Variants in KCNG3 observed in about 807,000 individuals in gnomAD.
KCNG3 encodes the protein potassium voltage-gated channel modifier subfamily G member 3.
KCNG3 carries 15 observed loss-of-function variants against 29.0 expected under a neutral mutation model. The observed-to-expected ratio is 0.52, with a 90% CI of 0.35 to 0.80. The LOEUF (loss-of-function observed/expected upper bound fraction) is 0.80, where lower values mean the gene tolerates loss of function less well. KCNG3 is among the 30% of genes least tolerant of loss of function. The pLI is 0.01. For synonymous variants in KCNG3, 322 were observed against 248.9 expected (o/e 1.29, Z -2.76); for missense variants, 512 against 605.7 (o/e 0.85, Z 1.62).
At chr2:42,427,694 GACAT>G in the KCNG3 span, among the ~76,000 whole-genome samples, 19 of 151,980 alleles carry the variant, frequency 1.3e-4, no homozygotes, top group African/African-American at 4.6e-4. Context: ...GTGCAAAACA[GACAT>G]ACATTTATCT....
the KCNG3 span, among the ~76,000 whole-genome samples, chr2:42,430,314 G>C: frequency 6.6e-6 from 1 of 151,778 alleles, no homozygotes. Context: ...ACTACAGTCA[G>C]CTGTGATTGT....
At chr2:42,414,384 TTTCA>T in the KCNG3 span, among the ~76,000 whole-genome samples, 1 of 152,220 alleles carries the variant, frequency 6.6e-6, no homozygotes, top group Non-Finnish European at 1.5e-5. Flanking sequence ...GAAGTTGTTA[TTTCA>T]TTGTTTTTTT....
chr2:42,428,690 T>C, the KCNG3 span, among the ~76,000 whole-genome samples: 1 of 152,130 alleles, frequency 6.6e-6, no homozygotes, highest in South Asian at 2.1e-4. Context: ...AAAGACTAGC[T>C]AGCTTAATAA....
At chr2:42,440,339 G>C (rs1672444854), downstream of KCNG3, 1 of 152,182 alleles carries the variant, frequency 6.6e-6, no homozygotes. Flanking sequence ...CAGCTGAATA[G>C]TAATACAGAG....
downstream of KCNG3, among the ~76,000 whole-genome samples, chr2:42,438,533 A>G (rs183620452): frequency 2.6e-5 from 4 of 152,198 alleles, no homozygotes; most frequent in African/African-American, 7.2e-5. Context: ...AGTCTTGTTG[A>G]TATTTTAAAC....
intron 1 of KCNG3, among the ~76,000 whole-genome samples, chr2:42,469,489 C>A (rs2103704658): frequency 6.6e-6 from 1 of 150,922 alleles, no homozygotes; most frequent in South Asian, 2.1e-4. Context: ...AGATAAATGG[C>A]AAATGAGGCT....
chr2:42,474,203 A>C (rs1225183309), intron 1 of KCNG3, among the ~76,000 whole-genome samples: 1 of 151,432 alleles, frequency 6.6e-6, no homozygotes, highest in African/African-American at 2.4e-5. Flanking sequence ...GCTCTGGGCG[A>C]CAGAGCAAGA....
chr2:42,441,725 C>CATCCCTATATATAAAATATATACACATAT (rs1315672175), downstream of KCNG3, among the ~76,000 whole-genome samples: 11 of 150,472 alleles, frequency 7.3e-5, no homozygotes, highest in African/African-American at 2.4e-4. Flanking sequence ...TACACACACA[C>CATCCCTATATATAAAATATATACACATAT]ATATCCCTAT....
chr2:42,409,515 G>A, the KCNG3 span, among the ~76,000 whole-genome samples: 1 of 151,604 alleles, frequency 6.6e-6, no homozygotes, highest in Non-Finnish European at 1.5e-5. Flanking sequence ...ACCAGCACAG[G>A]CAACACGGTG....
At chr2:42,455,436 T>C (rs1222508638) in intron 1 of KCNG3, among the ~76,000 whole-genome samples, 2 of 152,216 alleles carry the variant, frequency 1.3e-5, no homozygotes, top group Non-Finnish European at 2.9e-5. Flanking sequence ...TAAAATTTAA[T>C]ATTACAAGGA....
At chr2:42,396,600 G>C in the KCNG3 span, among the ~76,000 whole-genome samples, 49 of 152,276 alleles carry the variant, frequency 3.2e-4, 1 homozygote, top group African/African-American at 1.1e-3. Flanking sequence ...ACAAGGGCCA[G>C]TGAGAGCTGG....
At chr2:42,410,430 TC>T in the KCNG3 span, among the ~76,000 whole-genome samples, 1 of 152,280 alleles carries the variant, frequency 6.6e-6, no homozygotes, top group East Asian at 1.9e-4. Flanking sequence ...TCCACTGTTT[TC>T]CCCAAAGCTT....
At chr2:42,491,612 C>T (rs1341305992) in intron 1 of KCNG3, among the ~76,000 whole-genome samples, 23 of 152,138 alleles carry the variant, frequency 1.5e-4, no homozygotes, top group Non-Finnish European at 2.9e-5. Flanking sequence ...GAACCTAATT[C>T]ACTAAACAAA....
At chr2:42,491,079 T>G (rs1454160104) in intron 1 of KCNG3, among the ~76,000 whole-genome samples, 1 of 152,172 alleles carries the variant, frequency 6.6e-6, no homozygotes. Context: ...AGGAAACAGC[T>G]CTGACTTGAA....
At chr2:42,477,384 T>TA (rs1210187032) in intron 1 of KCNG3, among the ~76,000 whole-genome samples, 53 of 101,904 alleles carry the variant, frequency 5.2e-4, no homozygotes, top group African/African-American at 2.1e-3. Context: ...CACACACATA[T>TA]ATATACACAC....
chr2:42,403,362 C>T, the KCNG3 span, among the ~76,000 whole-genome samples: 8 of 151,984 alleles, frequency 5.3e-5, no homozygotes, highest in African/African-American at 1.7e-4. Context: ...ATGCTGGTCT[C>T]GAACTCCTGG....
chr2:42,465,045 T>A (rs1016556187), intron 1 of KCNG3, among the ~76,000 whole-genome samples: 13 of 152,222 alleles, frequency 8.5e-5, no homozygotes, highest in Non-Finnish European at 2.9e-5. Flanking sequence ...TCTAATGGAA[T>A]ATTTAGGACA....
chr2:42,477,456 C>T (rs1673467417), intron 1 of KCNG3, among the ~76,000 whole-genome samples: 1 of 122,358 alleles, frequency 8.2e-6, no homozygotes, highest in Non-Finnish European at 1.6e-5. Flanking sequence ...GAGACGGAGT[C>T]TTGCTCTGTC....
At chr2:42,449,133 G>C (rs1199398302) in intron 1 of KCNG3, among the ~76,000 whole-genome samples, 2 of 152,146 alleles carry the variant, frequency 1.3e-5, no homozygotes, top group African/African-American at 2.4e-5. Context: ...CGAGAAATGA[G>C]TGTACTTTGT....
Sources: allele counts gnomAD v4.1 joint callset (sites outside exome capture counted in the v4.1 genomes callset), GRCh38; gene constraint gnomAD v4.1.1; transcripts MANE v1.5; gene names NCBI Gene and HGNC (gene_info 2026-07-23, HGNC 2026-07-21).